Variants in UNC5D observed in about 807,000 individuals in gnomAD.
The protein encoded by UNC5D is netrin receptor UNC5D.
A neutral mutation model predicts 105.4 loss-of-function variants in UNC5D; 39 were observed. The ratio of observed to expected loss-of-function variants is 0.37; its 90% CI spans 0.29 to 0.48. The LOEUF (loss-of-function observed/expected upper bound fraction) is 0.48. Ranked by LOEUF, UNC5D falls within the 20% of genes least tolerant of loss-of-function variation. The probability of loss-of-function intolerance (pLI) is 0.98; values close to 1 mark genes in which losing one functional copy is unlikely to be tolerated. For missense variants in UNC5D, 991 were observed against 1,202.4 expected, an observed-to-expected ratio of 0.82 and a Z score of 2.60; for synonymous variants, 452 against 450.4, an observed-to-expected ratio of 1.00 and a Z score of -0.04.
At chr8:35,626,038 G>C (rs937395424) in intron 4 of UNC5D, among the ~76,000 whole-genome samples, 2 of 152,082 alleles carry the variant, frequency 1.3e-5, no homozygotes, top group African/African-American at 4.8e-5. Flanking sequence ...TTCAGCTTTT[G>C]TTTAGAACCC....
chr8:35,556,232 T>C (rs868534070), intron 2 of UNC5D, among the ~76,000 whole-genome samples: 22 of 152,172 alleles, frequency 1.4e-4, no homozygotes, highest in African/African-American at 5.3e-4. Context: ...GAGACAAGTG[T>C]ATGGTGAATA....
At chr8:35,747,124 T>G (rs1164632298) in intron 11 of UNC5D, among the ~76,000 whole-genome samples, 3 of 152,184 alleles carry the variant, frequency 2.0e-5, no homozygotes, top group African/African-American at 7.2e-5. Flanking sequence ...GACTGAACTT[T>G]TTAAAGACAT....
intron 9 of UNC5D, among the ~76,000 whole-genome samples, chr8:35,723,794 A>G (rs1392094802): frequency 1.3e-5 from 2 of 152,130 alleles, no homozygotes; most frequent in African/African-American, 2.4e-5. Context: ...ACACTTGAAA[A>G]CAGATGAGCT....
chr8:35,450,529 G>T (rs1808078924), intron 1 of UNC5D, among the ~76,000 whole-genome samples: 1 of 152,066 alleles, frequency 6.6e-6, no homozygotes, highest in Non-Finnish European at 1.5e-5. Flanking sequence ...TGCTGTTCTT[G>T]CATCTATGAC....
chr8:35,525,208 G>T (rs1813779332), intron 1 of UNC5D: 10 of 1,611,360 alleles, frequency 6.2e-6, no homozygotes, highest in Non-Finnish European at 8.5e-6. Context: ...TTCTGTGGTT[G>T]CTGGGCTTGT....
chr8:35,694,616 T>C (rs1257207223), intron 7 of UNC5D, among the ~76,000 whole-genome samples: 1 of 152,160 alleles, frequency 6.6e-6, no homozygotes, highest in Non-Finnish European at 1.5e-5. Context: ...AAAGGATTCT[T>C]TGTGAGAAGA....
chr8:35,244,044 A>G (rs1482323343), intron 1 of UNC5D, among the ~76,000 whole-genome samples: 5 of 152,214 alleles, frequency 3.3e-5, no homozygotes, highest in Non-Finnish European at 1.5e-5. Context: ...TGATTAAGTG[A>G]CATCTATCAT....
intron 11 of UNC5D, among the ~76,000 whole-genome samples, chr8:35,746,806 TC>T (rs1830030245): frequency 6.6e-6 from 1 of 152,194 alleles, no homozygotes; most frequent in Admixed American, 6.5e-5. Flanking sequence ...CTCATAAGCA[TC>T]CCTGCTATTC....
chr8:35,377,712 G>C (rs1344726778), intron 1 of UNC5D, among the ~76,000 whole-genome samples: 2 of 152,128 alleles, frequency 1.3e-5, no homozygotes, highest in African/African-American at 4.8e-5. Flanking sequence ...GAAGACATTC[G>C]TATCTGTGGG....
At chr8:35,546,174 G>C (rs1815662326) in intron 1 of UNC5D, among the ~76,000 whole-genome samples, 2 of 152,202 alleles carry the variant, frequency 1.3e-5, no homozygotes, top group African/African-American at 2.4e-5. Flanking sequence ...TGGAATTACA[G>C]ACATGAGTTG....
chr8:35,584,324 CAT>C (rs1197416813), intron 3 of UNC5D, among the ~76,000 whole-genome samples: 2 of 151,800 alleles, frequency 1.3e-5, no homozygotes, highest in African/African-American at 4.9e-5. Flanking sequence ...GTGACATGGC[CAT>C]GTGTGTGCTA....
chr8:35,606,074 G>T (rs1010938135), intron 4 of UNC5D, among the ~76,000 whole-genome samples: 2 of 149,670 alleles, frequency 1.3e-5, no homozygotes, highest in East Asian at 4.0e-4. Flanking sequence ...TGCAACCTCT[G>T]CCTCCTGGGT....
At position 35,688,930 on chromosome 8, in the gene UNC5D, T is replaced by A. The variant is rs368225408; in HGVS notation, c.1084+2221T>A. 6.6e-5 allele frequency among the ~76,000 whole-genome samples: 10 copies of A among 152,356 alleles called. No homozygotes were observed. In the East Asian group the frequency reaches 1.9e-3, roughly 29 times the overall value. The stretch of plus-strand genomic sequence containing the variant: ...CAAGGAAAGAACTAAGCTTTTTGAA[T>A]TTTACAAGTACATATACATCTGGTC... On this transcript the variant is annotated intron_variant, in intron 7 of 16. Transcript: ENST00000404895.
intron 1 of UNC5D, among the ~76,000 whole-genome samples, chr8:35,245,657 A>T (rs1803045543): frequency 6.6e-6 from 1 of 152,180 alleles, no homozygotes; most frequent in Admixed American, 6.5e-5. Flanking sequence ...TCTAAAGTTT[A>T]GCAGCTAACT....
chr8:35,602,942 C>G (rs1819998981), intron 4 of UNC5D, among the ~76,000 whole-genome samples: 1 of 141,952 alleles, frequency 7.0e-6, no homozygotes, highest in African/African-American at 2.6e-5. Flanking sequence ...GCTCATTGTT[C>G]AGTTCCCATC....
At chr8:35,533,098 G>A (rs1814527902) in intron 1 of UNC5D, among the ~76,000 whole-genome samples, 1 of 151,516 alleles carries the variant, frequency 6.6e-6, no homozygotes, top group Non-Finnish European at 1.5e-5. Context: ...GAGGAACTGC[G>A]TTCCTTTGGA....
At chr8:35,467,589 A>AAG (rs138123014) in intron 1 of UNC5D, among the ~76,000 whole-genome samples, 61,489 of 126,618 alleles carry the variant, frequency 0.49, 17,210 homozygotes, top group Non-Finnish European at 0.64. Context: ...AAAAAAAAAA[A>AAG]AAGAAGAAAA....
chr8:35,279,517 T>C (rs1806001677), intron 1 of UNC5D, among the ~76,000 whole-genome samples: 1 of 152,194 alleles, frequency 6.6e-6, no homozygotes. Flanking sequence ...CTTGTCAGCA[T>C]TGTATTTTTG....
intron 1 of UNC5D, among the ~76,000 whole-genome samples, chr8:35,439,141 T>C (rs1448814201): frequency 2.6e-5 from 4 of 151,964 alleles, no homozygotes; most frequent in Admixed American, 2.6e-4. Context: ...ACAGATTGCC[T>C]TACAGACTGA....
Sources: allele counts gnomAD v4.1 joint callset (sites outside exome capture counted in the v4.1 genomes callset), GRCh38; gene constraint gnomAD v4.1.1; transcripts MANE v1.5; gene names NCBI Gene and HGNC (gene_info 2026-07-23, HGNC 2026-07-21).